The following DLST variants were observed in gnomAD, a reference collection of about 807,000 sequenced individuals.
DLST encodes the protein dihydrolipoamide S-succinyltransferase.
In DLST, 17 loss-of-function variants were observed where a neutral mutation model predicts 53.1. The ratio of observed to expected loss-of-function variants is 0.32; its 90% CI spans 0.22 to 0.48. The LOEUF (loss-of-function observed/expected upper bound fraction) is 0.48. Ranked by LOEUF, DLST falls within the 20% of genes least tolerant of loss-of-function variation. The pLI, the probability that DLST is intolerant of heterozygous loss-of-function variation, is 0.99. For missense variants in DLST, 512 were observed against 583.9 expected (o/e 0.88, Z 1.27); for synonymous variants, 206 against 204.8 (o/e 1.01, Z -0.05).
rs1253920864 is a variant in DLST, at chr14:74,900,378, G to A, written c.1059+6G>A. On this transcript the variant is annotated splice_donor_region_variant and intron_variant, in intron 13 of 14. Coordinates refer to ENST00000334220, the MANE Select transcript of DLST (RefSeq NM_001933.5). Reference sequence around the variant, plus strand: ...TCACTGAACTGGGAGAGAAGGTAAAGTAGAAAGATGTATACAAGCTGCTAA... The same window carrying A: ...TCACTGAACTGGGAGAGAAGGTAAAATAGAAAGATGTATACAAGCTGCTAA... 6.2e-6 allele frequency: 10 copies of A among 1,612,446 alleles called. No individual in the cohort carries two copies. The highest frequency in any genetic ancestry group is 7.6e-6 in the Non-Finnish European group (9 of 1,178,706).
At chr14:74,898,255 A>G in intron 10 of DLST, 114 bp from the exon 11 acceptor site, 2 of 1,325,104 alleles carry the variant, frequency 1.5e-6, no homozygotes, top group Non-Finnish European at 2.1e-6. Flanking sequence ...GAACTAAGGT[A>G]ATGGTCCAGA....
At chr14:74,894,614 C>T (rs979007830) in intron 10 of DLST, among the ~76,000 whole-genome samples, 6 of 152,062 alleles carry the variant, frequency 3.9e-5, no homozygotes, top group South Asian at 2.1e-4. Flanking sequence ...GGCATGATCT[C>T]GGCTCACTGC....
chr14:74,889,584 T>C (rs1883829602), intron 5 of DLST: 2 of 542,038 alleles, frequency 3.7e-6, no homozygotes, highest in Non-Finnish European at 6.5e-6. Flanking sequence ...TTGGTCAGGC[T>C]GGTCTCAAAC....
chr14:74,896,014 G>C (rs142977780), intron 10 of DLST, among the ~76,000 whole-genome samples: 2 of 152,286 alleles, frequency 1.3e-5, no homozygotes, highest in East Asian at 3.9e-4. Flanking sequence ...GTGCCACCAG[G>C]CTTGGCCAAT....
intron 3 of DLST, 77 bp from the exon 4 acceptor site, chr14:74,889,018 G>C: frequency 6.9e-7 from 1 of 1,454,904 alleles, no homozygotes; most frequent in Non-Finnish European, 9.6e-7. Context: ...AGGGGAAGGT[G>C]ACCCATGGGG....
intron 11 of DLST, 44 bp downstream of exon 11, chr14:74,898,543 G>A (rs1412836052): frequency 1.2e-6 from 2 of 1,606,518 alleles, no homozygotes; most frequent in East Asian, 2.2e-5. Flanking sequence ...TGGGAGGTAG[G>A]TGTATGAGCA....
rs1883844690 is a variant in DLST at position 74,889,957 on chromosome 14, G to A, written c.330+5G>A. 2.5e-6 allele frequency: 4 copies of A among 1,612,994 alleles called. No homozygotes were observed. Among genetic ancestry groups the A allele is most frequent in the Non-Finnish European group, 3.4e-6 (4 of 1,179,534 alleles). ...TGTGAGATTGAAACTGACAAGGTAG[G>A]CTTATCTTATATTCGTACCAGCTTT... On this transcript the variant is annotated splice_donor_5th_base_variant and intron_variant, in intron 6 of 14. Transcript: ENST00000334220.
chr14:74,900,141 A>G, intron 12 of DLST, 145 bp downstream of exon 12: 2 of 1,079,128 alleles, frequency 1.9e-6, no homozygotes, highest in Non-Finnish European at 1.4e-6. Context: ...CTTTTAAACC[A>G]TGCCGCATTC....
At chr14:74,892,729 A>C in intron 7 of DLST, 105 bp from the exon 8 acceptor site, 3 of 1,114,206 alleles carry the variant, frequency 2.7e-6, no homozygotes, top group Non-Finnish European at 3.9e-6. Context: ...GATACCCAGT[A>C]GACATTCGTT....
At chr14:74,882,492 GTCA>G in intron 1 of DLST, 96 bp from the exon 2 acceptor site, 1 of 1,224,464 alleles carries the variant, frequency 8.2e-7, no homozygotes, top group Non-Finnish European at 1.2e-6. Context: ...AGATTCACCT[GTCA>G]CCACCACTGG....
chr14:74,895,751 T>C lies in DLST; in HGVS notation c.770+1342T>C, dbSNP rs143639621. On this transcript the variant is annotated intron_variant, in intron 10 of 14. Transcript: ENST00000334220. The stretch of plus-strand genomic sequence containing the variant: ...TCTGCCTCTACTAAAAATACAAAAA[T>C]TACCCAGGCATGGTGGCGTATGCCT... Among the ~76,000 whole-genome samples the C allele has an allele frequency of 3.9e-3, 595 of 152,098 alleles. 5 individuals are homozygous for C. The highest frequency in any genetic ancestry group is 0.012 in the African/African-American group (505 of 41,494).
chr14:74,882,606 G>A lies in DLST; in HGVS notation c.79G>A (p.Gly27Arg). The change falls in exon 2 of 15, where the codon GGG becomes AGG. Residue 27 changes from glycine to arginine, a missense_variant. Coordinates refer to ENST00000334220, the MANE Select transcript of DLST (RefSeq NM_001933.5). ...SAFQKGNCPL[G>R]RRSLPGVSLC... ...TTCTCAACAGGGGAACTGCCCTCTA[G>A]GGAGACGTTCCCTGCCTGGTAAGTT... 1.9e-6 allele frequency: 3 copies of A among 1,613,920 alleles called. No homozygotes were observed. Among genetic ancestry groups the A allele is most frequent in the Non-Finnish European group, 2.5e-6 (3 of 1,179,966 alleles).
intron 12 of DLST, 21 bp downstream of exon 12, chr14:74,900,017 G>A (rs938650634): frequency 2.5e-6 from 4 of 1,596,052 alleles, no homozygotes; most frequent in Admixed American, 1.7e-5. Flanking sequence ...GCAGGAGGTG[G>A]GGAATGTTGG....
At chr14:74,884,616 T>C (rs1883641161) in intron 2 of DLST, among the ~76,000 whole-genome samples, 3 of 152,218 alleles carry the variant, frequency 2.0e-5, no homozygotes, top group Admixed American at 6.5e-5. Flanking sequence ...TGAAATTTGC[T>C]GTAGGATGAA....
At position 74,892,908 on chromosome 14, in the gene DLST, G is replaced by T. The variant is rs1883958569; in HGVS notation, c.517G>T (p.Val173Phe). The T allele has an allele frequency of 1.2e-6, 2 of 1,614,168 alleles. No individual in the cohort carries two copies. Among genetic ancestry groups the T allele is most frequent in the Non-Finnish European group, 1.7e-6 (2 of 1,180,016 alleles). ...AAAAGCAGAACCTACAGCAGCGGCA[G>T]TTCCTCCCCCTGCAGCACCCATACC... ...APKAEPTAAA[V>F]PPPAAPIPTQ... The change falls in exon 8 of 15, where the codon GTT (valine) becomes TTT (phenylalanine). Residue 173 changes from valine to phenylalanine, a missense_variant. Physicochemically the swap from Val to Phe is conservative, Grantham distance 50. Transcript: ENST00000334220.
At chr14:74,886,983 CGCCCGACTCA>C (rs1198685833) in intron 3 of DLST, among the ~76,000 whole-genome samples, 1 of 151,998 alleles carries the variant, frequency 6.6e-6, no homozygotes, top group Non-Finnish European at 1.5e-5. Flanking sequence ...TCAGGTGATC[CGCCCGACTCA>C]GCCTCCCAAA....
At chr14:74,896,589 T>G (rs754526598) in intron 10 of DLST, among the ~76,000 whole-genome samples, 1 of 152,218 alleles carries the variant, frequency 6.6e-6, no homozygotes, top group Non-Finnish European at 1.5e-5. Context: ...TTACTAGATG[T>G]CATCCATTCT....
Position 74,903,675 on chromosome 14 carries a change from C to T in DLST, c.*1345C>T, listed in dbSNP as rs1161828282. ...CATCTACTACTCTGTCTTCACTATT[C>T]AGAACTTGTAACTAAAGTATTTAAA... is the stretch of plus-strand genomic sequence containing the variant. On this transcript the variant is annotated 3_prime_UTR_variant, in exon 15 of 15. Coordinates refer to ENST00000334220, the MANE Select transcript of DLST (RefSeq NM_001933.5). The T allele has an allele frequency of 1.3e-5, 2 of 152,092 alleles. No individual in the cohort carries two copies. The highest frequency in any genetic ancestry group is 2.9e-5 in the Non-Finnish European group (2 of 68,020). 9.4% of individuals were successfully genotyped at this position (152,092 alleles called of 1,614,324 possible). A position where few individuals can be genotyped will look rare whatever the true frequency, so the allele number is the denominator to read the frequency against.
At chr14:74,897,231 C>T (rs1884100412) in intron 10 of DLST, among the ~76,000 whole-genome samples, 1 of 152,112 alleles carries the variant, frequency 6.6e-6, no homozygotes, top group Non-Finnish European at 1.5e-5. Context: ...CCCAATCAGT[C>T]CCCCTTGGAA....
Sources: allele counts gnomAD v4.1 joint callset (sites outside exome capture counted in the v4.1 genomes callset), GRCh38; gene constraint gnomAD v4.1.1; transcripts MANE v1.5; gene names NCBI Gene and HGNC (gene_info 2026-07-23, HGNC 2026-07-21).